The following DMXL2 variants were observed in gnomAD, a reference collection of about 807,000 sequenced individuals.
The protein encoded by DMXL2 is dmX-like protein 2.
DMXL2 carries 103 observed loss-of-function variants against 331.1 expected under a neutral mutation model. The observed-to-expected ratio is 0.31, with a 90% CI of 0.27 to 0.37. DMXL2 has a LOEUF of 0.37. Ranked by LOEUF, DMXL2 falls within the 10% of genes least tolerant of loss-of-function variation. The pLI is 1.00. For synonymous variants in DMXL2, 1,281 were observed against 1,252.1 expected (o/e 1.02, Z -0.49); for missense variants, 3,171 against 3,642.9 (o/e 0.87, Z 3.33).
chr15:51,592,365 GA>G (rs1478886035), intron 1 of DMXL2, among the ~76,000 whole-genome samples: 2 of 152,058 alleles, frequency 1.3e-5, no homozygotes, highest in African/African-American at 4.8e-5. Flanking sequence ...GAAGTTAAGA[GA>G]AAAAAGAATA....
intron 8 of DMXL2, 80 bp from the exon 9 acceptor site, chr15:51,542,587 G>GTA: frequency 1.8e-6 from 2 of 1,104,250 alleles, no homozygotes; most frequent in Non-Finnish European, 2.5e-6. Context: ...ATTATTAAGA[G>GTA]GTTTAAGATT....
At chr15:51,464,378 T>C (rs1259722065) in intron 32 of DMXL2, among the ~76,000 whole-genome samples, 1 of 152,138 alleles carries the variant, frequency 6.6e-6, no homozygotes, top group Non-Finnish European at 1.5e-5. Flanking sequence ...CCATCCTGGG[T>C]GACAGAGTGA....
intron 1 of DMXL2, among the ~76,000 whole-genome samples, chr15:51,611,214 T>A (rs1595751589): frequency 6.6e-6 from 1 of 152,234 alleles, no homozygotes; most frequent in South Asian, 2.1e-4. Context: ...ATAAAGTTGA[T>A]AAACCTTTGC....
At chr15:51,483,348 T>C (rs1209490073) in intron 23 of DMXL2, among the ~76,000 whole-genome samples, 1 of 152,142 alleles carries the variant, frequency 6.6e-6, no homozygotes, top group African/African-American at 2.4e-5. Flanking sequence ...TGGGGACCCG[T>C]CTTCATTCCA....
At chr15:51,485,333 T>G (rs983490418) in intron 23 of DMXL2, among the ~76,000 whole-genome samples, 9 of 152,166 alleles carry the variant, frequency 5.9e-5, no homozygotes, top group African/African-American at 2.2e-4. Context: ...GACAAGGATC[T>G]CCTCATTTTT....
Position 51,448,996 on chromosome 15 carries a change from A to G in DMXL2, c.9165T>C (p.Leu3055=). ...AAAACCCCAATCTTTATAGAATGTCAAGAATTCTGTTAGGGATGTTAAAAG... is the reference window on the plus strand; with the variant it reads ...AAAACCCCAATCTTTATAGAATGTCGAGAATTCTGTTAGGGATGTTAAAAG... The part of the protein sequence containing the change: ...PNAFNIPNRI[L]DIL Residue 3055 remains leucine, a synonymous_variant, in exon 44 of 44, where the codon CTT becomes CTC. Transcript: ENST00000560891. 2 of 1,614,046 alleles carry G rather than the reference A, an allele frequency of 1.2e-6. No homozygotes were observed. Among genetic ancestry groups the G allele is most frequent in the Non-Finnish European group, 1.7e-6 (2 of 1,179,976 alleles).
intron 3 of DMXL2, among the ~76,000 whole-genome samples, chr15:51,566,232 G>T (rs1046905089): frequency 2.1e-5 from 3 of 144,842 alleles, no homozygotes; most frequent in South Asian, 4.5e-4. Flanking sequence ...GTGTGTGTGG[G>T]GTGTGTGTGT....
intron 16 of DMXL2, among the ~76,000 whole-genome samples, chr15:51,503,877 T>C (rs2043861268): frequency 6.6e-6 from 1 of 152,196 alleles, no homozygotes; most frequent in Admixed American, 6.5e-5. Context: ...AAAATTACTT[T>C]GCAGACAAGG....
chr15:51,592,328 T>C (rs1279945069), intron 1 of DMXL2, among the ~76,000 whole-genome samples: 3 of 151,962 alleles, frequency 2.0e-5, no homozygotes, highest in African/African-American at 4.8e-5. Flanking sequence ...TGATGGAAGA[T>C]GAAATGAATG....
At chr15:51,493,870 T>G (rs1442368709) in intron 19 of DMXL2, among the ~76,000 whole-genome samples, 2 of 152,210 alleles carry the variant, frequency 1.3e-5, no homozygotes, top group African/African-American at 4.8e-5. Flanking sequence ...ATGTGGGCAA[T>G]GGGGTTGAGA....
At chr15:51,616,957 AAAAC>A (rs2054324397) in intron 1 of DMXL2, among the ~76,000 whole-genome samples, 1 of 151,530 alleles carries the variant, frequency 6.6e-6, no homozygotes. Flanking sequence ...AAAAAAAAAA[AAAAC>A]TGACAAGCTA....
chr15:51,592,998 T>C (rs2052509189), intron 1 of DMXL2, among the ~76,000 whole-genome samples: 1 of 152,164 alleles, frequency 6.6e-6, no homozygotes. Context: ...AAGAAGACAT[T>C]GCATCAACTA....
chr15:51,496,937 T>G (rs577255565), intron 18 of DMXL2, among the ~76,000 whole-genome samples: 1 of 152,358 alleles, frequency 6.6e-6, no homozygotes, highest in African/African-American at 2.4e-5. Flanking sequence ...CCTGCCTTAT[T>G]ACCTCATGAA....
intron 18 of DMXL2, 142 bp downstream of exon 18, chr15:51,498,410 T>C (rs1466720206): frequency 1.3e-5 from 10 of 748,150 alleles, no homozygotes; most frequent in Admixed American, 3.0e-5. Flanking sequence ...GCATATTATA[T>C]AATAGTAATT....
chr15:51,505,429 A>G (rs2046344910), intron 16 of DMXL2, among the ~76,000 whole-genome samples: 1 of 152,168 alleles, frequency 6.6e-6, no homozygotes, highest in Non-Finnish European at 1.5e-5. Context: ...TCCCACAAGG[A>G]CCTGTTACTA....
intron 2 of DMXL2, among the ~76,000 whole-genome samples, chr15:51,575,678 CAG>C (rs1285917661): frequency 2.6e-5 from 4 of 152,086 alleles, no homozygotes; most frequent in African/African-American, 9.7e-5. Flanking sequence ...TAACAACTTG[CAG>C]AGTTTCTTAA....
chr15:51,530,521 G>A (rs2047939581), intron 13 of DMXL2, among the ~76,000 whole-genome samples: 1 of 151,848 alleles, frequency 6.6e-6, no homozygotes, highest in South Asian at 2.1e-4. Flanking sequence ...GGAGGCTGAG[G>A]CGAGCAGATC....
At chr15:51,563,652 G>C (rs2050101501) in intron 5 of DMXL2, among the ~76,000 whole-genome samples, 1 of 152,074 alleles carries the variant, frequency 6.6e-6, no homozygotes, top group Non-Finnish European at 1.5e-5. Context: ...TTTGGGAAAA[G>C]AAGAATGTAA....
At chr15:51,580,785 T>C (rs192200015) in intron 1 of DMXL2, among the ~76,000 whole-genome samples, 184 of 152,354 alleles carry the variant, frequency 1.2e-3, no homozygotes, top group African/African-American at 4.2e-3. Context: ...TTCTGTAGCA[T>C]AAGCTGTTAC....
Sources: allele counts gnomAD v4.1 joint callset (sites outside exome capture counted in the v4.1 genomes callset), GRCh38; gene constraint gnomAD v4.1.1; transcripts MANE v1.5; gene names NCBI Gene and HGNC (gene_info 2026-07-23, HGNC 2026-07-21).